SGCG: variants seen among roughly 807,000 people sequenced by gnomAD.
The protein encoded by SGCG is gamma-sarcoglycan.
A neutral mutation model predicts 29.3 loss-of-function variants in SGCG; 26 were observed. That is an observed-to-expected ratio of 0.89 (90% CI 0.65 to 1.23). The LOEUF (loss-of-function observed/expected upper bound fraction) is 1.23, where lower values mean the gene tolerates loss of function less well. Among genes scored for constraint, SGCG ranks in the 50% most tolerant of loss-of-function variants. SGCG has a pLI of 0.00. For synonymous variants in SGCG, 145 were observed against 129.7 expected, an observed-to-expected ratio of 1.12 and a Z score of -0.80; for missense variants, 353 against 356.0, an observed-to-expected ratio of 0.99 and a Z score of 0.07.
At chr13:23,311,656 G>A (rs1000885179) in intron 6 of SGCG, among the ~76,000 whole-genome samples, 3 of 152,190 alleles carry the variant, frequency 2.0e-5, no homozygotes, top group Non-Finnish European at 4.4e-5. Context: ...GGTGTTCGAT[G>A]AGGAATCAGC....
At chr13:23,163,870 T>C in the SGCG span, among the ~76,000 whole-genome samples, 6 of 152,054 alleles carry the variant, frequency 3.9e-5, no homozygotes, top group Non-Finnish European at 8.8e-5. Context: ...AGTAATAAAG[T>C]TATACTTTTA....
At chr13:23,253,305 A>G (rs1330132857) in intron 4 of SGCG, among the ~76,000 whole-genome samples, 1 of 152,184 alleles carries the variant, frequency 6.6e-6, no homozygotes, top group East Asian at 1.9e-4. Context: ...TGTTCGCCTC[A>G]ATCTCTAGTT....
intron 1 of SGCG, among the ~76,000 whole-genome samples, chr13:23,183,531 G>A (rs1043450295): frequency 2.0e-5 from 3 of 152,116 alleles, no homozygotes; most frequent in African/African-American, 2.4e-5. Flanking sequence ...TGGCATTCCT[G>A]GTGGCTGCCT....
chr13:23,177,106 A>G (rs954895039), upstream of SGCG, among the ~76,000 whole-genome samples: 1 of 152,202 alleles, frequency 6.6e-6, no homozygotes, highest in Non-Finnish European at 1.5e-5. Flanking sequence ...CATGTTAAGT[A>G]AAATAAGCCA....
intron 3 of SGCG, among the ~76,000 whole-genome samples, chr13:23,241,027 T>C (rs1317276894): frequency 6.6e-6 from 1 of 151,524 alleles, no homozygotes; most frequent in Non-Finnish European, 1.5e-5. Context: ...CGGGTGCCTG[T>C]AGTCCCAGCT....
chr13:23,280,341 C>T (rs1247457471), intron 5 of SGCG, among the ~76,000 whole-genome samples: 1 of 152,158 alleles, frequency 6.6e-6, no homozygotes, highest in Non-Finnish European at 1.5e-5. Context: ...CCTTTCTGTA[C>T]TACTGTGAAA....
chr13:23,192,154 G>T (rs1343892186), intron 1 of SGCG, among the ~76,000 whole-genome samples: 1 of 138,060 alleles, frequency 7.2e-6, no homozygotes, highest in Non-Finnish European at 1.5e-5. Flanking sequence ...CAGCCTGGGC[G>T]ACAGAGTGAG....
chr13:23,315,449 C>T (rs1333101249), intron 6 of SGCG, among the ~76,000 whole-genome samples: 2 of 152,204 alleles, frequency 1.3e-5, no homozygotes, highest in Non-Finnish European at 2.9e-5. Flanking sequence ...CCTTCTGCCA[C>T]CCTGCCTTCT....
At chr13:23,249,299 G>C (rs1217956750) in intron 3 of SGCG, among the ~76,000 whole-genome samples, 1 of 152,142 alleles carries the variant, frequency 6.6e-6, no homozygotes, top group East Asian at 1.9e-4. Context: ...TGGGATATTA[G>C]TCTGGAGTCA....
At chr13:23,204,241 C>A (rs1193458612) in intron 2 of SGCG, among the ~76,000 whole-genome samples, 1 of 152,176 alleles carries the variant, frequency 6.6e-6, no homozygotes, top group East Asian at 1.9e-4. Flanking sequence ...TTCTTAATTT[C>A]ATTAATTCAT....
intron 2 of SGCG, among the ~76,000 whole-genome samples, chr13:23,204,853 A>G (rs570919549): frequency 5.9e-4 from 89 of 151,802 alleles, no homozygotes; most frequent in Non-Finnish European, 1.0e-3. Flanking sequence ...AACACCTTCT[A>G]TTATTCTTCT....
At position 23,279,363 on chromosome 13, in the gene SGCG, C is replaced by G; in HGVS notation, c.390C>G (p.Pro130=). 1 of 1,612,158 alleles carries G rather than the reference C, an allele frequency of 6.2e-7. No individual in the cohort carries two copies. Among genetic ancestry groups the G allele is most frequent in the Non-Finnish European group, 8.5e-7 (1 of 1,178,854 alleles). ...TAAACTGTTTTAATTCTTCAGGTCC[C>G]AAAATGGTAGAAGTCCAGAATCAAC... The part of the protein sequence containing the change: ...GEVTGRLKVG[P]KMVEVQNQQF... Residue 130 remains proline, a synonymous_variant, in exon 5 of 8, where the codon CCC becomes CCG. Transcript: ENST00000218867.
chr13:23,269,876 TTTTTTTG>T (rs1311942026), intron 4 of SGCG, among the ~76,000 whole-genome samples: 7 of 101,898 alleles, frequency 6.9e-5, no homozygotes, highest in East Asian at 3.0e-4. Flanking sequence ...TTTTTTTTGT[TTTTTTTG>T]TTTTTTTTTG....
chr13:23,299,417 TATATATATATATATATATA>T (rs1882036268), intron 6 of SGCG, among the ~76,000 whole-genome samples: 1 of 4,640 alleles, frequency 2.2e-4, no homozygotes, highest in Admixed American at 3.3e-3. Flanking sequence ...CATATATATA[TATATATATATATATATATA>T]TATATATATA....
chr13:23,212,250 G>C (rs924272843), intron 2 of SGCG, among the ~76,000 whole-genome samples: 3 of 152,164 alleles, frequency 2.0e-5, no homozygotes, highest in African/African-American at 7.2e-5. Context: ...GTAGCAATGC[G>C]AGAATGGACT....
At chr13:23,318,387 CCA>C (rs1882912497) in intron 6 of SGCG, among the ~76,000 whole-genome samples, 1 of 151,664 alleles carries the variant, frequency 6.6e-6, no homozygotes, top group Non-Finnish European at 1.5e-5. Flanking sequence ...TGCCTTATGT[CCA>C]GTGTCTTATG....
Position 23,293,936 on chromosome 13 carries a change from T to C in SGCG, c.506-1479T>C, listed in dbSNP as rs182704687. ...GAAACCTTTACCCAGGCAATTTTTC[T>C]TCAGTGTCCAATATTGAAACTAGTA... On this transcript the variant is annotated intron_variant, in intron 5 of 7. Transcript: ENST00000218867. Among the ~76,000 whole-genome samples the C allele has an allele frequency of 1.0e-3, 152 of 152,286 alleles. 1 individual carries two copies. Among genetic ancestry groups the C allele is most frequent in the Non-Finnish European group, 2.0e-3 (134 of 68,030 alleles).
chr13:23,259,693 T>C (rs2137583998), intron 4 of SGCG, among the ~76,000 whole-genome samples: 1 of 152,342 alleles, frequency 6.6e-6, no homozygotes, highest in Admixed American at 6.5e-5. Context: ...TGCTATAAAT[T>C]TCCCTCTACA....
chr13:23,229,399 C>T (rs1439304260), intron 2 of SGCG, among the ~76,000 whole-genome samples: 4 of 152,206 alleles, frequency 2.6e-5, no homozygotes, highest in Non-Finnish European at 5.9e-5. Context: ...AATGCTTGAA[C>T]TAATTTACAC....
Sources: allele counts gnomAD v4.1 joint callset (sites outside exome capture counted in the v4.1 genomes callset), GRCh38; gene constraint gnomAD v4.1.1; transcripts MANE v1.5; gene names NCBI Gene and HGNC (gene_info 2026-07-23, HGNC 2026-07-21).